Variants in PPP1CB observed in about 807,000 individuals in gnomAD.
PPP1CB encodes protein phosphatase 1 catalytic subunit beta.
In PPP1CB, 2 loss-of-function variants were observed where a neutral mutation model predicts 43.7. The ratio of observed to expected loss-of-function variants is 0.05; its 90% CI spans 0.02 to 0.14. The LOEUF is 0.14. Ranked by LOEUF, PPP1CB falls within the 10% of genes least tolerant of loss-of-function variation. PPP1CB has a pLI of 1.00. For missense variants in PPP1CB, 84 were observed against 398.0 expected, an observed-to-expected ratio of 0.21 and a Z score of 6.71; for synonymous variants, 136 against 135.6, an observed-to-expected ratio of 1.00 and a Z score of -0.02.
At chr2:28,765,033 G>A (rs535015950) in intron 1 of PPP1CB, among the ~76,000 whole-genome samples, 12 of 152,258 alleles carry the variant, frequency 7.9e-5, no homozygotes, top group African/African-American at 1.2e-4. Context: ...GGGGAAAGTA[G>A]CATAAGGTTA....
At chr2:28,788,228 G>A (rs1202739979) in intron 5 of PPP1CB, among the ~76,000 whole-genome samples, 1 of 152,066 alleles carries the variant, frequency 6.6e-6, no homozygotes, top group Admixed American at 6.6e-5. Context: ...TCTGTTATTG[G>A]CTCAGGGATA....
At chr2:28,768,618 C>G (rs1268112456) in intron 1 of PPP1CB, among the ~76,000 whole-genome samples, 1 of 152,148 alleles carries the variant, frequency 6.6e-6, no homozygotes, top group Non-Finnish European at 1.5e-5. Context: ...AGATTGAAGG[C>G]AAAACTAAAA....
chr2:28,797,781 AAC>A (rs1368817246), intron 7 of PPP1CB, among the ~76,000 whole-genome samples: 1 of 152,118 alleles, frequency 6.6e-6, no homozygotes, highest in Non-Finnish European at 1.5e-5. Flanking sequence ...TTTTGGTTTC[AAC>A]ATTTACATTT....
At position 28,801,804 on chromosome 2, in the gene PPP1CB, A is replaced by G. The variant is rs1667623900; in HGVS notation, c.*2501A>G. The G allele has an allele frequency of 1.3e-5, 2 of 152,188 alleles. No individual in the cohort carries two copies. Among genetic ancestry groups the G allele is most frequent in the Non-Finnish European group, 2.9e-5 (2 of 68,028 alleles). 9.4% of individuals were successfully genotyped at this position (152,188 alleles called of 1,614,324 possible). A position where few individuals can be genotyped will look rare whatever the true frequency, so the allele number is the denominator to read the frequency against. On this transcript the variant is annotated 3_prime_UTR_variant, in exon 8 of 8. Coordinates refer to ENST00000395366, the MANE Select transcript of PPP1CB (RefSeq NM_002709.3). The stretch of plus-strand genomic sequence containing the variant: ...GATATCTGTTATAATGTGGTGTATC[A>G]CATGGATTATAAAGCAAAGTTATGG...
chr2:28,761,529 G>T (rs1190935818), intron 1 of PPP1CB, among the ~76,000 whole-genome samples: 3 of 152,180 alleles, frequency 2.0e-5, no homozygotes, highest in Admixed American at 2.0e-4. Context: ...TTATTGCTTA[G>T]TACAAACCTG....
chr2:28,789,044 T>G (rs1667332715), intron 6 of PPP1CB, among the ~76,000 whole-genome samples: 1 of 152,096 alleles, frequency 6.6e-6, no homozygotes, highest in African/African-American at 2.4e-5. Flanking sequence ...TATTATTTGT[T>G]AACTTCACAT....
At position 28,799,561 on chromosome 2, in the gene PPP1CB, A is replaced by G. The variant is rs1330627425; in HGVS notation, c.*258A>G. ...ATCCATTAAAGTTACATCTTCATGT[A>G]TCACAATTTTTAAAGTTGAAAAGCA... is the stretch of plus-strand genomic sequence containing the variant. On this transcript the variant is annotated 3_prime_UTR_variant, in exon 8 of 8. Coordinates refer to ENST00000395366, the MANE Select transcript of PPP1CB (RefSeq NM_002709.3). The G allele has an allele frequency of 6.1e-6, 2 of 325,704 alleles. No individual in the cohort carries two copies. The highest frequency in any genetic ancestry group is 1.1e-5 in the Non-Finnish European group (2 of 179,866). The allele number at this position is 325,704 out of a possible 1,614,324, so 20.2% of individuals were successfully genotyped here. A position where few individuals can be genotyped will look rare whatever the true frequency, so the allele number is the denominator to read the frequency against.
Position 28,798,844 on chromosome 2 carries a change from G to A in PPP1CB, c.880-355G>A, listed in dbSNP as rs138888482. On this transcript the variant is annotated intron_variant, in intron 7 of 7. Coordinates refer to ENST00000395366, the MANE Select transcript of PPP1CB (RefSeq NM_002709.3). The stretch of plus-strand genomic sequence containing the variant: ...GGTCTGAAGGGTTTGTGACTTGTAG[G>A]TTAGTTACCCTCCTAAGTTACTGTA... Among the ~76,000 whole-genome samples the A allele has an allele frequency of 7.0e-4, 106 of 152,114 alleles. 3 individuals carry two copies. In the East Asian group the frequency reaches 0.018, roughly 26 times the overall value.
rs1374210178 is a variant in PPP1CB at position 28,751,960 on chromosome 2, C to T, written c.-165C>T. Reference sequence around the variant, plus strand: ...CCGAGTGTGCGCGCGCTCTCGCTACCCGGCGGGGAGGGGGTGGGGGGAGGG... The same window carrying T: ...CCGAGTGTGCGCGCGCTCTCGCTACTCGGCGGGGAGGGGGTGGGGGGAGGG... On this transcript the variant is annotated 5_prime_UTR_variant, in exon 1 of 8. Coordinates refer to ENST00000395366, the MANE Select transcript of PPP1CB (RefSeq NM_002709.3). 5 of 658,648 alleles carry T rather than the reference C, an allele frequency of 7.6e-6. No homozygotes were observed. The highest frequency in any genetic ancestry group is 1.6e-5 in the South Asian group (1 of 62,958). 40.8% of individuals were successfully genotyped at this position (658,648 alleles called of 1,614,324 possible).
At chr2:28,794,721 A>T (rs1291269449) in intron 7 of PPP1CB, among the ~76,000 whole-genome samples, 1 of 152,080 alleles carries the variant, frequency 6.6e-6, no homozygotes, top group Admixed American at 6.6e-5. Flanking sequence ...AGGAAAAAAA[A>T]CTTTCAAAAT....
At chr2:28,769,043 AC>A (rs765357976) in intron 1 of PPP1CB, among the ~76,000 whole-genome samples, 5 of 152,190 alleles carry the variant, frequency 3.3e-5, no homozygotes, top group Admixed American at 6.5e-5. Context: ...TAGAGAGAAA[AC>A]CATATTGAAC....
intron 6 of PPP1CB, among the ~76,000 whole-genome samples, chr2:28,790,013 G>C (rs1667354493): frequency 6.6e-6 from 1 of 152,150 alleles, no homozygotes; most frequent in Non-Finnish European, 1.5e-5. Context: ...CAGTGCAGTG[G>C]CTCATGTCTG....
chr2:28,770,747 G>A (rs78636906), intron 1 of PPP1CB, among the ~76,000 whole-genome samples: 28 of 151,636 alleles, frequency 1.8e-4, no homozygotes, highest in Non-Finnish European at 3.1e-4. Context: ...GGCGGACATA[G>A]AACACTTCAC....
chr2:28,781,447 C>T (rs1485160201), intron 3 of PPP1CB, among the ~76,000 whole-genome samples: 1 of 152,146 alleles, frequency 6.6e-6, no homozygotes, highest in Non-Finnish European at 1.5e-5. Flanking sequence ...TTTATTCCTA[C>T]TACCCAACTG....
chr2:28,796,544 G>T (rs1332357085), intron 7 of PPP1CB, among the ~76,000 whole-genome samples: 1 of 151,906 alleles, frequency 6.6e-6, no homozygotes, highest in Non-Finnish European at 1.5e-5. Flanking sequence ...TGTGGCTATT[G>T]TAAATGCAGT....
intron 5 of PPP1CB, among the ~76,000 whole-genome samples, chr2:28,785,861 A>G (rs1667256124): frequency 6.6e-6 from 1 of 151,944 alleles, no homozygotes; most frequent in South Asian, 2.1e-4. Context: ...ATAAATATGT[A>G]TTACTGGTCA....
At chr2:28,766,402 A>C (rs1666777733) in intron 1 of PPP1CB, among the ~76,000 whole-genome samples, 1 of 152,224 alleles carries the variant, frequency 6.6e-6, no homozygotes, top group Non-Finnish European at 1.5e-5. Flanking sequence ...TTTCCACAAA[A>C]AAACTGCACC....
Position 28,799,406 on chromosome 2 carries a change from A to C in PPP1CB, c.*103A>C, listed in dbSNP as rs1339164399. On this transcript the variant is annotated 3_prime_UTR_variant, in exon 8 of 8. Transcript: ENST00000395366. ...ATCCAGCCATTTGACACCCTTTATG[A>C]TGTCACACCTTTAACTTAAGGAGAC... The C allele has an allele frequency of 1.2e-6, 1 of 860,598 alleles. No individual in the cohort carries two copies. Among genetic ancestry groups the C allele is most frequent in the Non-Finnish European group, 1.8e-6 (1 of 552,210 alleles). The allele number at this position is 860,598 out of a possible 1,614,324, so 53.3% of individuals were successfully genotyped here.
At chr2:28,769,039 G>C (rs1666841249) in intron 1 of PPP1CB, among the ~76,000 whole-genome samples, 1 of 152,102 alleles carries the variant, frequency 6.6e-6, no homozygotes, top group Admixed American at 6.5e-5. Flanking sequence ...TAAATAGAGA[G>C]AAAACCATAT....
Sources: gnomAD v4.1 joint callset for allele counts (sites outside exome capture counted in the v4.1 genomes callset) on GRCh38, gnomAD v4.1.1 for gene constraint, MANE v1.5 for transcripts, NCBI Gene and HGNC (gene_info 2026-07-23, HGNC 2026-07-21) for gene names.